The following PPP2R2B variants were observed in gnomAD, a reference collection of about 807,000 sequenced individuals.
PPP2R2B encodes the protein serine/threonine-protein phosphatase 2A 55 kDa regulatory subunit B beta isoform.
A neutral mutation model predicts 46.0 loss-of-function variants in PPP2R2B; 5 were observed. That is an observed-to-expected ratio of 0.11 (90% confidence interval 0.06 to 0.23). PPP2R2B has a LOEUF of 0.23. Ranked by LOEUF, PPP2R2B falls within the 10% of genes least tolerant of loss-of-function variation. PPP2R2B has a pLI of 1.00. For missense variants in PPP2R2B, 367 were observed against 575.0 expected (o/e 0.64, Z 3.70); for synonymous variants, 215 against 206.7 (o/e 1.04, Z -0.34).
chr5:146,673,302 TA>T (rs1777490878), intron 5 of PPP2R2B, among the ~76,000 whole-genome samples: 1 of 67,774 alleles, frequency 1.5e-5, no homozygotes, highest in African/African-American at 2.9e-5. Context: ...AAAATTTCTG[TA>T]AAGTAAGTAC....
At chr5:146,788,999 A>G (rs1239924981) in intron 2 of PPP2R2B, among the ~76,000 whole-genome samples, 1 of 152,234 alleles carries the variant, frequency 6.6e-6, no homozygotes, top group East Asian at 1.9e-4. Flanking sequence ...AAAAGGGCTC[A>G]GATCAGTTGG....
At chr5:146,904,227 T>C (rs1023993966) in intron 1 of PPP2R2B, among the ~76,000 whole-genome samples, 1 of 152,188 alleles carries the variant, frequency 6.6e-6, no homozygotes, top group African/African-American at 2.4e-5. Flanking sequence ...AAAAAAATTT[T>C]TGAAGATCAA....
At chr5:147,059,876 C>A (rs1757206825), upstream of PPP2R2B, among the ~76,000 whole-genome samples, 1 of 152,160 alleles carries the variant, frequency 6.6e-6, no homozygotes, top group African/African-American at 2.4e-5. Flanking sequence ...TCCTAACTGC[C>A]TGTTTTCACT....
intron 1 of PPP2R2B, among the ~76,000 whole-genome samples, chr5:146,989,051 T>C (rs898309613): frequency 2.0e-5 from 3 of 151,822 alleles, no homozygotes; most frequent in African/African-American, 7.3e-5. Flanking sequence ...AATTGGATCA[T>C]GAAGAAATAG....
At chr5:147,041,069 C>T (rs1756271913) in intron 1 of PPP2R2B, among the ~76,000 whole-genome samples, 1 of 152,138 alleles carries the variant, frequency 6.6e-6, no homozygotes, top group Non-Finnish European at 1.5e-5. Flanking sequence ...AGTACAGAGG[C>T]CAAAACACCA....
chr5:146,981,062 A>AC, intron 1 of PPP2R2B, among the ~76,000 whole-genome samples: 1 of 151,160 alleles, frequency 6.6e-6, no homozygotes, highest in Non-Finnish European at 1.5e-5. Flanking sequence ...TTTCTTACTC[A>AC]TTTTTTTTTG....
chr5:146,800,331 G>A (rs369217423), intron 2 of PPP2R2B, among the ~76,000 whole-genome samples: 2 of 151,992 alleles, frequency 1.3e-5, no homozygotes, highest in Non-Finnish European at 2.9e-5. Flanking sequence ...ACTGTGTATT[G>A]TAAGGATCCC....
At chr5:146,767,730 T>C (rs918546948) in intron 2 of PPP2R2B, among the ~76,000 whole-genome samples, 8 of 152,162 alleles carry the variant, frequency 5.3e-5, no homozygotes, top group African/African-American at 1.9e-4. Context: ...GAACCTCTGT[T>C]GACACATCAT....
At chr5:146,809,449 A>G (rs758942817) in intron 2 of PPP2R2B, among the ~76,000 whole-genome samples, 9 of 152,184 alleles carry the variant, frequency 5.9e-5, no homozygotes, top group Non-Finnish European at 8.8e-5. Context: ...TAAGCACCCA[A>G]ATAAATGTAT....
intron 1 of PPP2R2B, among the ~76,000 whole-genome samples, chr5:146,944,545 G>T (rs981576202): frequency 3.9e-5 from 6 of 151,972 alleles, no homozygotes; most frequent in Non-Finnish European, 8.8e-5. Flanking sequence ...GTTTTATATA[G>T]TTTGATTGAA....
At chr5:146,937,001 G>A in intron 1 of PPP2R2B, among the ~76,000 whole-genome samples, 1 of 151,908 alleles carries the variant, frequency 6.6e-6, no homozygotes, top group Non-Finnish European at 1.5e-5. Context: ...AAACAATTGA[G>A]ATTTAAAAGT....
At chr5:146,776,471 C>T (rs1028517384) in intron 2 of PPP2R2B, among the ~76,000 whole-genome samples, 1 of 151,894 alleles carries the variant, frequency 6.6e-6, no homozygotes, top group African/African-American at 2.4e-5. Flanking sequence ...GAAGTTGGGC[C>T]CTACCCAAAT....
At chr5:146,634,772 ACACAC>A (rs1774693460) in intron 7 of PPP2R2B, among the ~76,000 whole-genome samples, 2 of 152,004 alleles carry the variant, frequency 1.3e-5, no homozygotes, top group African/African-American at 4.8e-5. Flanking sequence ...TTACACACAC[ACACAC>A]ACACACCCCC....
At chr5:147,005,683 G>C (rs948946756) in intron 1 of PPP2R2B, among the ~76,000 whole-genome samples, 1 of 151,724 alleles carries the variant, frequency 6.6e-6, no homozygotes, top group African/African-American at 2.4e-5. Context: ...GAGAGAGAGA[G>C]GAAGAAACAG....
At chr5:147,048,386 T>C (rs1158404882) in intron 1 of PPP2R2B, among the ~76,000 whole-genome samples, 1 of 152,060 alleles carries the variant, frequency 6.6e-6, no homozygotes, top group African/African-American at 2.4e-5. Flanking sequence ...CTGTAAAAAA[T>C]GAAAATGGGG....
upstream of PPP2R2B, among the ~76,000 whole-genome samples, chr5:147,059,313 T>A (rs1757188146): frequency 6.6e-6 from 1 of 152,024 alleles, no homozygotes; most frequent in South Asian, 2.1e-4. Context: ...GCATTAGGCA[T>A]TATTTATAAA....
At chr5:146,910,268 A>G (rs945721159) in intron 1 of PPP2R2B, among the ~76,000 whole-genome samples, 1 of 152,230 alleles carries the variant, frequency 6.6e-6, no homozygotes, top group African/African-American at 2.4e-5. Flanking sequence ...GCAGATAGAA[A>G]AAAATTTGAA....
At chr5:147,014,790 C>G (rs531028966) in intron 1 of PPP2R2B, among the ~76,000 whole-genome samples, 4 of 151,358 alleles carry the variant, frequency 2.6e-5, no homozygotes, top group African/African-American at 9.7e-5. Context: ...TGCTAGATGA[C>G]GAGTTAGTGG....
chr5:146,777,720 C>T (rs1755272423), intron 2 of PPP2R2B, among the ~76,000 whole-genome samples: 1 of 152,088 alleles, frequency 6.6e-6, no homozygotes, highest in Non-Finnish European at 1.5e-5. Context: ...ATATACAAAA[C>T]CATTCAGTTT....
Sources: allele counts gnomAD v4.1 joint callset (sites outside exome capture counted in the v4.1 genomes callset), GRCh38; gene constraint gnomAD v4.1.1; transcripts MANE v1.5; gene names NCBI Gene and HGNC (gene_info 2026-07-23, HGNC 2026-07-21).